The following TDRD5 variants were observed in gnomAD, a reference collection of about 807,000 sequenced individuals.
TDRD5 encodes tudor domain-containing protein 5.
Under a neutral mutation model 120.6 loss-of-function variants are expected in TDRD5, and 41 were observed. The ratio of observed to expected loss-of-function variants is 0.34; its 90% CI spans 0.26 to 0.44. The LOEUF (loss-of-function observed/expected upper bound fraction) is 0.44, where lower values mean the gene tolerates loss of function less well. Among genes scored for constraint, TDRD5 ranks in the 20% least tolerant of loss-of-function variants. The pLI is 1.00. For synonymous variants in TDRD5, 430 were observed against 433.7 expected (o/e 0.99, Z 0.11); for missense variants, 1,006 against 1,221.2 (o/e 0.82, Z 2.63).
intron 17 of TDRD5, among the ~76,000 whole-genome samples, chr1:179,687,602 A>G (rs1410774179): frequency 2.0e-5 from 3 of 152,042 alleles, no homozygotes; most frequent in Non-Finnish European, 4.4e-5. Flanking sequence ...TATCCTTGTT[A>G]ACTTTCTGTC....
rs551179057 is a variant in TDRD5 at position 179,591,995 on chromosome 1, G to A, written c.-145G>A. ...CCGGGCCGAGAAGGGCGCCTCACCT[G>A]GCGCCTCCTGCCTTCCTTTCCACCT... is the stretch of plus-strand genomic sequence containing the variant. On this transcript the variant is annotated 5_prime_UTR_variant, in exon 1 of 18. Coordinates refer to ENST00000444136, the MANE Select transcript of TDRD5 (RefSeq NM_001199085.3). 6.5e-6 allele frequency: 1 copy of A among 152,864 alleles called. No homozygotes were observed. Among genetic ancestry groups the A allele is most frequent in the East Asian group, 1.9e-4 (1 of 5,190 alleles). 9.5% of individuals were successfully genotyped at this position (152,864 alleles called of 1,614,324 possible).
intron 17 of TDRD5, among the ~76,000 whole-genome samples, chr1:179,671,397 A>G (rs1163183475): frequency 6.6e-6 from 1 of 152,170 alleles, no homozygotes; most frequent in Non-Finnish European, 1.5e-5. Flanking sequence ...CTGATTTTTT[A>G]AATTTAAGTT....
At chr1:179,617,686 C>T (rs1452253817) in intron 4 of TDRD5, among the ~76,000 whole-genome samples, 1 of 151,866 alleles carries the variant, frequency 6.6e-6, no homozygotes, top group Non-Finnish European at 1.5e-5. Context: ...TACAATCTTT[C>T]ACTCTGCTTT....
chr1:179,643,489 G>C (rs1015853275), intron 11 of TDRD5, among the ~76,000 whole-genome samples: 4 of 152,160 alleles, frequency 2.6e-5, no homozygotes, highest in Non-Finnish European at 5.9e-5. Flanking sequence ...AAGGAACAGA[G>C]AAGGAATTTC....
intron 12 of TDRD5, 60 bp from the exon 13 acceptor site, chr1:179,651,979 C>G: frequency 1.3e-6 from 2 of 1,550,862 alleles, no homozygotes; most frequent in Admixed American, 1.9e-5. Context: ...TAAGTGCTTT[C>G]TCGCCCTTTT....
chr1:179,689,497 G>C (rs915366720), intron 17 of TDRD5, among the ~76,000 whole-genome samples: 3 of 152,218 alleles, frequency 2.0e-5, no homozygotes, highest in Non-Finnish European at 4.4e-5. Flanking sequence ...CTATTCAGGG[G>C]TCAGGGACCC....
At chr1:179,641,747 T>G (rs1678060925) in intron 11 of TDRD5, among the ~76,000 whole-genome samples, 1 of 152,178 alleles carries the variant, frequency 6.6e-6, no homozygotes, top group Non-Finnish European at 1.5e-5. Flanking sequence ...ATAAGTACTT[T>G]TATATGTTAT....
In TDRD5 at chr1:179,592,619, T is replaced by C; in HGVS notation, c.4T>C (p.Ser2Pro). Residue 2 changes from serine to proline, a missense_variant, in exon 2 of 18, where the codon TCT (serine) becomes CCT (proline). Physicochemically the swap from Ser to Pro is moderately conservative, Grantham distance 74 (BLOSUM62 -1). Transcript: ENST00000444136. ...GTCTTCAGTCCTGTAGGGCACAATG[T>C]CTGAACAAGAGCGTATACAGGAATG... is the stretch of plus-strand genomic sequence containing the variant. MSEQERIQECLR... is the reference protein window; with the variant it reads MPEQERIQECLR... 6.2e-7 allele frequency: 1 copy of C among 1,613,954 alleles called. No individual in the cohort carries two copies. Among genetic ancestry groups the C allele is most frequent in the Non-Finnish European group, 8.5e-7 (1 of 1,179,916 alleles).
chr1:179,688,111 C>A (rs999417137), intron 17 of TDRD5, among the ~76,000 whole-genome samples: 1 of 151,956 alleles, frequency 6.6e-6, no homozygotes, highest in African/African-American at 2.4e-5. Context: ...TTATTTTGCC[C>A]GTTAGTTGAT....
chr1:179,634,129 C>T (rs9727700), intron 7 of TDRD5, among the ~76,000 whole-genome samples: 6,932 of 151,020 alleles, frequency 0.046, 252 homozygotes, highest in Non-Finnish European at 0.069. Flanking sequence ...CGAGATCGCA[C>T]CACTGCACTC....
At chr1:179,659,683 A>T (rs1179064099) in intron 14 of TDRD5, among the ~76,000 whole-genome samples, 1 of 141,792 alleles carries the variant, frequency 7.1e-6, no homozygotes, top group African/African-American at 3.1e-5. Context: ...ATATAGTTTG[A>T]TTATTTATTT....
chr1:179,646,066 A>G (rs1244896995), intron 11 of TDRD5, among the ~76,000 whole-genome samples: 1 of 152,142 alleles, frequency 6.6e-6, no homozygotes, highest in Admixed American at 6.5e-5. Flanking sequence ...TATTGTAATA[A>G]TTGAATTATC....
chr1:179,681,437 C>T (rs1680415128), intron 17 of TDRD5, among the ~76,000 whole-genome samples: 1 of 151,448 alleles, frequency 6.6e-6, no homozygotes, highest in Non-Finnish European at 1.5e-5. Flanking sequence ...TCAAAAATAT[C>T]CAGTTCTTGC....
At chr1:179,629,703 T>A (rs1348956996) in intron 6 of TDRD5, among the ~76,000 whole-genome samples, 1 of 152,230 alleles carries the variant, frequency 6.6e-6, no homozygotes, top group Non-Finnish European at 1.5e-5. Flanking sequence ...TAGTTTTTTT[T>A]CAATGTTTTA....
In TDRD5 at chr1:179,672,127, A is replaced by G. The variant is rs139258471; in HGVS notation, c.2860+2723A>G. On this transcript the variant is annotated intron_variant, in intron 17 of 17. Coordinates refer to ENST00000444136, the MANE Select transcript of TDRD5 (RefSeq NM_001199085.3). ...TATAATGACTTCTTTTCCTCTAGGT[A>G]GATACCTAGTAGTGGGATTGCTGGA... Among the ~76,000 whole-genome samples, 433 of 148,604 alleles carry G rather than the reference A, an allele frequency of 2.9e-3. 18 individuals are homozygous for G. In the East Asian group the frequency reaches 0.07, roughly 24 times the overall value.
chr1:179,652,348 A>G (rs1000451830), intron 13 of TDRD5, 151 bp downstream of exon 13: 27 of 791,506 alleles, frequency 3.4e-5, no homozygotes, highest in Admixed American at 1.9e-4. Flanking sequence ...TGCTGGCTTA[A>G]GTGTTTGCTT....
intron 4 of TDRD5, among the ~76,000 whole-genome samples, chr1:179,611,540 T>G (rs1346189200): frequency 2.6e-5 from 4 of 152,206 alleles, no homozygotes; most frequent in Non-Finnish European, 4.4e-5. Context: ...CTTTTCAGTA[T>G]TTAAAGTTCT....
chr1:179,684,700 C>G (rs1424545317), intron 17 of TDRD5, among the ~76,000 whole-genome samples: 2 of 152,182 alleles, frequency 1.3e-5, no homozygotes, highest in African/African-American at 4.8e-5. Context: ...CAAATCCTCT[C>G]CAGCAGCTGC....
At chr1:179,637,624 G>A (rs1473587971) in intron 9 of TDRD5, among the ~76,000 whole-genome samples, 1 of 151,328 alleles carries the variant, frequency 6.6e-6, no homozygotes, top group Non-Finnish European at 1.5e-5. Flanking sequence ...GTGCATGCCT[G>A]TAGTCCCAGC....
Sources: allele counts gnomAD v4.1 joint callset (sites outside exome capture counted in the v4.1 genomes callset), GRCh38; gene constraint gnomAD v4.1.1; transcripts MANE v1.5; gene names NCBI Gene and HGNC (gene_info 2026-07-23, HGNC 2026-07-21).